SEMA5A: variants seen among roughly 807,000 people sequenced by gnomAD.
SEMA5A encodes semaphorin-5A.
In SEMA5A, 55 loss-of-function variants were observed where a neutral mutation model predicts 135.5. The observed-to-expected ratio is 0.41, with a 90% CI of 0.33 to 0.51. The LOEUF is 0.51. SEMA5A is among the 20% of genes least tolerant of loss of function. SEMA5A has a pLI of 0.37. For synonymous variants in SEMA5A, 580 were observed against 546.5 expected, an observed-to-expected ratio of 1.06 and a Z score of -0.85; for missense variants, 1,290 against 1,419.9, an observed-to-expected ratio of 0.91 and a Z score of 1.47.
intron 1 of SEMA5A, among the ~76,000 whole-genome samples, chr5:9,506,893 G>T (rs1478977310): frequency 6.6e-6 from 1 of 152,082 alleles, no homozygotes; most frequent in Admixed American, 6.6e-5. Flanking sequence ...TAACCTCCCA[G>T]ACTCATGAGC....
intron 2 of SEMA5A, among the ~76,000 whole-genome samples, chr5:9,383,778 A>C (rs1755715183): frequency 6.6e-6 from 1 of 152,186 alleles, no homozygotes; most frequent in Admixed American, 6.5e-5. Flanking sequence ...CTTTATTTAC[A>C]ATATGCCCTC....
At chr5:9,409,623 T>A (rs1469614629) in intron 2 of SEMA5A, among the ~76,000 whole-genome samples, 2 of 152,246 alleles carry the variant, frequency 1.3e-5, no homozygotes, top group African/African-American at 2.4e-5. Flanking sequence ...ACTGATTTAC[T>A]GGCTGACCTT....
chr5:9,408,075 C>A (rs1234235783), intron 2 of SEMA5A, among the ~76,000 whole-genome samples: 5 of 151,916 alleles, frequency 3.3e-5, no homozygotes, highest in Non-Finnish European at 7.4e-5. Context: ...CCACACCACA[C>A]CACAATCACT....
At chr5:9,123,607 A>G (rs1740948629) in intron 13 of SEMA5A, among the ~76,000 whole-genome samples, 1 of 152,146 alleles carries the variant, frequency 6.6e-6, no homozygotes, top group Admixed American at 6.5e-5. Context: ...ACTGGAGTGA[A>G]AAATCACAGC....
At chr5:9,474,482 T>G (rs1759595812) in intron 1 of SEMA5A, among the ~76,000 whole-genome samples, 1 of 123,072 alleles carries the variant, frequency 8.1e-6, no homozygotes, top group African/African-American at 3.0e-5. Flanking sequence ...GTGAGAAGCA[T>G]GCTTAAAAAA....
intron 20 of SEMA5A, among the ~76,000 whole-genome samples, 179 bp downstream of exon 20, chr5:9,051,694 T>A (rs1460240074): frequency 6.6e-6 from 1 of 152,228 alleles, no homozygotes; most frequent in Non-Finnish European, 1.5e-5. Context: ...TGAACTGAAT[T>A]CATGTTTAAA....
chr5:9,130,357 G>T (rs748072960), intron 13 of SEMA5A, among the ~76,000 whole-genome samples: 2 of 152,112 alleles, frequency 1.3e-5, no homozygotes, highest in Non-Finnish European at 2.9e-5. Flanking sequence ...GCCATAGAAT[G>T]TAACAAAACA....
At chr5:9,444,673 TATA>T (rs1291196495) in intron 1 of SEMA5A, among the ~76,000 whole-genome samples, 1 of 152,248 alleles carries the variant, frequency 6.6e-6, no homozygotes, top group Admixed American at 6.5e-5. Context: ...ATCTTTTTCA[TATA>T]ATGACTTATA....
At chr5:9,457,996 C>T (rs954651842) in intron 1 of SEMA5A, among the ~76,000 whole-genome samples, 1 of 148,876 alleles carries the variant, frequency 6.7e-6, no homozygotes, top group Non-Finnish European at 1.5e-5. Flanking sequence ...CAAGCTCCGC[C>T]TCCCGGGTTC....
intron 2 of SEMA5A, among the ~76,000 whole-genome samples, chr5:9,409,277 C>A (rs944658649): frequency 6.6e-6 from 1 of 152,198 alleles, no homozygotes. Flanking sequence ...CACCCAAACA[C>A]GCCTCTTGCT....
intron 5 of SEMA5A, among the ~76,000 whole-genome samples, chr5:9,307,957 T>G (rs1579317688): frequency 8.9e-6 from 1 of 112,308 alleles, no homozygotes; most frequent in Non-Finnish European, 1.9e-5. Flanking sequence ...AAAGCAACAA[T>G]TTAGAAATGG....
At chr5:9,234,465 C>A (rs1747797100) in intron 6 of SEMA5A, among the ~76,000 whole-genome samples, 1 of 152,226 alleles carries the variant, frequency 6.6e-6, no homozygotes, top group Non-Finnish European at 1.5e-5. Flanking sequence ...CAGCCCAGTG[C>A]TGTCTAGACC....
chr5:9,264,396 A>G (rs1749569402), intron 5 of SEMA5A, among the ~76,000 whole-genome samples: 1 of 152,176 alleles, frequency 6.6e-6, no homozygotes, highest in South Asian at 2.1e-4. Flanking sequence ...TGAAAAAAAC[A>G]TTAAACCATC....
At chr5:9,104,661 T>C (rs559294285) in intron 16 of SEMA5A, among the ~76,000 whole-genome samples, 1 of 152,276 alleles carries the variant, frequency 6.6e-6, no homozygotes, top group Admixed American at 6.5e-5. Context: ...AAAACAACCA[T>C]GTGGAGAAGT....
At chr5:9,506,340 A>G (rs1735878181) in intron 1 of SEMA5A, among the ~76,000 whole-genome samples, 1 of 152,224 alleles carries the variant, frequency 6.6e-6, no homozygotes, top group African/African-American at 2.4e-5. Flanking sequence ...CTAATAAGAT[A>G]TTAAACAGCT....
intron 1 of SEMA5A, among the ~76,000 whole-genome samples, chr5:9,503,212 G>A (rs974977060): frequency 2.0e-5 from 3 of 152,156 alleles, no homozygotes; most frequent in Non-Finnish European, 4.4e-5. Context: ...CGCATAAGAG[G>A]GGCACTTCTT....
chr5:9,338,467 C>G (rs900186911), intron 3 of SEMA5A, among the ~76,000 whole-genome samples: 4 of 152,056 alleles, frequency 2.6e-5, no homozygotes, highest in Non-Finnish European at 4.4e-5. Flanking sequence ...TATTAGACAG[C>G]CTCCAGCCCA....
intron 5 of SEMA5A, among the ~76,000 whole-genome samples, chr5:9,252,426 A>C (rs1007982636): frequency 2.0e-5 from 3 of 152,188 alleles, no homozygotes; most frequent in African/African-American, 7.2e-5. Flanking sequence ...ACCCACTTGA[A>C]ATAATAACAG....
chr5:9,272,544 T>C (rs1750030993), intron 5 of SEMA5A, among the ~76,000 whole-genome samples: 1 of 152,146 alleles, frequency 6.6e-6, no homozygotes, highest in South Asian at 2.1e-4. Flanking sequence ...AGTGGGTCCC[T>C]GATCCCGGTG....
Sources: gnomAD v4.1 joint callset for allele counts (sites outside exome capture counted in the v4.1 genomes callset) on GRCh38, gnomAD v4.1.1 for gene constraint, MANE v1.5 for transcripts, NCBI Gene and HGNC (gene_info 2026-07-23, HGNC 2026-07-21) for gene names.